NRIP3: variants seen among roughly 807,000 people sequenced by gnomAD.
NRIP3 encodes the protein nuclear receptor interacting protein 3, also known as nuclear receptor-interacting protein 3.
NRIP3 carries 31 observed loss-of-function variants against 29.0 expected under a neutral mutation model. The observed-to-expected ratio is 1.07, with a 90% CI of 0.80 to 1.44. The LOEUF (loss-of-function observed/expected upper bound fraction) is 1.44. Among genes scored for constraint, NRIP3 ranks in the 40% most tolerant of loss-of-function variants. The probability of loss-of-function intolerance (pLI) is 0.00; values close to 1 mark genes in which losing one functional copy is unlikely to be tolerated. For synonymous variants in NRIP3, 131 were observed against 118.3 expected (o/e 1.11, Z -0.70); for missense variants, 314 against 297.9 (o/e 1.05, Z -0.40).
chr11:8,985,404 T>C lies in NRIP3; in HGVS notation c.562+307A>G, dbSNP rs567457674. On this transcript the variant is annotated intron_variant, in intron 4 of 6. Coordinates refer to ENST00000309166, the MANE Select transcript of NRIP3 (RefSeq NM_020645.3). ...TAGGATGGTCTCGATCTCCTGACCT[T>C]GTGATCCGCCCGCCTCGGCCTCCCA... Among the ~76,000 whole-genome samples, 16 of 136,780 alleles carry C rather than the reference T, an allele frequency of 1.2e-4. No individual in the cohort carries two copies. The East Asian group carries it at 2.5e-3, about 21-fold the overall frequency. The allele number at this position is 136,780 out of a possible 152,430, so 89.7% of individuals were successfully genotyped here. A position where few individuals can be genotyped will look rare whatever the true frequency, so the allele number is the denominator to read the frequency against.
rs142069324 is a variant in NRIP3 at position 8,993,380 on chromosome 11, A to G, written c.175-5098T>C. Among the ~76,000 whole-genome samples, 786 of 152,364 alleles carry G rather than the reference A, an allele frequency of 5.2e-3. 12 individuals are homozygous for G. The highest frequency in any genetic ancestry group is 0.018 in the African/African-American group (765 of 41,592). On this transcript the variant is annotated intron_variant, in intron 1 of 6. Coordinates refer to ENST00000309166, the MANE Select transcript of NRIP3 (RefSeq NM_020645.3). Reference sequence around the variant, plus strand: ...TAGTACATTTGACTCAGCTGTAAATAACAAGAACATAGTCATAATAATGTA... The same window carrying G: ...TAGTACATTTGACTCAGCTGTAAATGACAAGAACATAGTCATAATAATGTA...
chr11:8,993,447 A>T (rs1389589728), intron 1 of NRIP3, among the ~76,000 whole-genome samples: 1 of 152,230 alleles, frequency 6.6e-6, no homozygotes, highest in Non-Finnish European at 1.5e-5. Flanking sequence ...TATTTAACAG[A>T]ATGTTAGTAT....
At chr11:8,988,325 T>A (rs1374011296) in intron 1 of NRIP3, 43 bp from the exon 2 acceptor site, 21 of 1,528,330 alleles carry the variant, frequency 1.4e-5, no homozygotes, top group Non-Finnish European at 1.9e-5. Flanking sequence ...ACAGGCCACA[T>A]CCCTCTTTCC....
intron 1 of NRIP3, among the ~76,000 whole-genome samples, chr11:8,995,895 C>G (rs935695115): frequency 6.6e-6 from 1 of 152,216 alleles, no homozygotes; most frequent in African/African-American, 2.4e-5. Flanking sequence ...AAATTTCTTT[C>G]CCATTCCAAT....
chr11:8,996,077 C>T (rs549452746), intron 1 of NRIP3, among the ~76,000 whole-genome samples: 3 of 152,256 alleles, frequency 2.0e-5, no homozygotes, highest in African/African-American at 7.2e-5. Context: ...TAACAAATCT[C>T]ACTATTTCTT....
At chr11:8,992,280 G>T (rs1023374232) in intron 1 of NRIP3, among the ~76,000 whole-genome samples, 1 of 152,110 alleles carries the variant, frequency 6.6e-6, no homozygotes, top group Non-Finnish European at 1.5e-5. Context: ...TACTCTTCTT[G>T]TAAGAGTAAA....
intron 1 of NRIP3, among the ~76,000 whole-genome samples, chr11:8,992,774 C>T (rs1193026503): frequency 2.0e-5 from 3 of 151,912 alleles, no homozygotes; most frequent in Middle Eastern, 3.2e-3. Context: ...ATTAGCCGGG[C>T]GTGGTGGTGG....
In NRIP3 at chr11:8,992,790, T is replaced by C. The variant is rs536273468; in HGVS notation, c.175-4508A>G. On this transcript the variant is annotated intron_variant, in intron 1 of 6. Transcript: ENST00000309166. ...TTAGCCGGGCGTGGTGGTGGGTGCCTGTTATCCCAGCTACTCAGGAGGCTG... is the reference window on the plus strand; with the variant it reads ...TTAGCCGGGCGTGGTGGTGGGTGCCCGTTATCCCAGCTACTCAGGAGGCTG... Among the ~76,000 whole-genome samples the C allele has an allele frequency of 2.0e-5, 3 of 152,128 alleles. No homozygotes were observed. The South Asian group carries it at 6.2e-4, about 32-fold the overall frequency.
At chr11:8,995,682 C>CT (rs1566139550) in intron 1 of NRIP3, among the ~76,000 whole-genome samples, 1 of 152,178 alleles carries the variant, frequency 6.6e-6, no homozygotes, top group Non-Finnish European at 1.5e-5. Flanking sequence ...CCAGAGTAAG[C>CT]TTTTTAAAAC....
Position 8,983,554 on chromosome 11 carries a change from T to C in NRIP3, c.717A>G (p.Ser239=), listed in dbSNP as rs1230151913. 6 of 1,613,724 alleles carry C rather than the reference T, an allele frequency of 3.7e-6. No homozygotes were observed. The South Asian group carries it at 6.6e-5, about 18-fold the overall frequency. The change falls in exon 7 of 7, where the codon TCA becomes TCG. Residue 239 remains serine, a synonymous_variant. Transcript: ENST00000309166. ...ETVSLNEDNT[S]EA ...ATGCTGCAGGCTGTAGTTATGCTTC[T>C]GAAGTGCTGAAATGAGAAATAAATA...
intron 4 of NRIP3, among the ~76,000 whole-genome samples, chr11:8,985,471 ATTTT>A (rs935327720): frequency 2.5e-5 from 3 of 118,708 alleles, no homozygotes; most frequent in Non-Finnish European, 5.4e-5. Flanking sequence ...ACCCGGCCGA[ATTTT>A]TTTTTTATCT....
At chr11:8,988,033 G>T in intron 2 of NRIP3, 85 bp downstream of exon 2, 1 of 1,308,628 alleles carries the variant, frequency 7.6e-7, no homozygotes, top group Non-Finnish European at 1.1e-6. Flanking sequence ...AATTCCATGA[G>T]ACCCACACTC....
At chr11:8,998,885 C>T (rs1197272956) in intron 1 of NRIP3, among the ~76,000 whole-genome samples, 1 of 150,496 alleles carries the variant, frequency 6.6e-6, no homozygotes, top group African/African-American at 2.5e-5. Flanking sequence ...GCTCCGCCTC[C>T]TGGGTTCACA....
chr11:8,989,368 A>G (rs1294612538), intron 1 of NRIP3, among the ~76,000 whole-genome samples: 3 of 152,152 alleles, frequency 2.0e-5, no homozygotes, highest in African/African-American at 4.8e-5. Context: ...AGAGTGTTTC[A>G]CCCCAAGTTT....
rs1441186670 is a variant in NRIP3, at chr11:8,984,890, T to C, written c.563-766A>G. On this transcript the variant is annotated intron_variant, in intron 4 of 6. Coordinates refer to ENST00000309166, the MANE Select transcript of NRIP3 (RefSeq NM_020645.3). ...TTTTGAGACGGAGTTTCGCTCTTGT[T>C]GCCCAGGCTGGAGTGCAATGGCGCG... Among the ~76,000 whole-genome samples, 4 of 152,232 alleles carry C rather than the reference T, an allele frequency of 2.6e-5. No individual in the cohort carries two copies. The East Asian group carries it at 7.8e-4, about 30-fold the overall frequency.
chr11:8,987,646 G>A lies in NRIP3; in HGVS notation c.340-16C>T. 3 of 1,600,484 alleles carry A rather than the reference G, an allele frequency of 1.9e-6. No homozygotes were observed. Among genetic ancestry groups the A allele is most frequent in the Non-Finnish European group, 1.7e-6 (2 of 1,167,646 alleles). ...TTCCAGCACACTGTGGGGAGGAAAT[G>A]TACTGTTCAATAAGAGCCAGAGAAG... is the stretch of plus-strand genomic sequence containing the variant. On this transcript the variant is annotated splice_polypyrimidine_tract_variant and intron_variant, in intron 2 of 6. Coordinates refer to ENST00000309166, the MANE Select transcript of NRIP3 (RefSeq NM_020645.3).
At chr11:8,984,581 G>C (rs577784013) in intron 4 of NRIP3, among the ~76,000 whole-genome samples, 1 of 152,148 alleles carries the variant, frequency 6.6e-6, no homozygotes, top group Admixed American at 6.5e-5. Flanking sequence ...GTTATATTAA[G>C]TAATTTTCCT....
intron 4 of NRIP3, among the ~76,000 whole-genome samples, chr11:8,984,592 A>T (rs1372702609): frequency 6.6e-6 from 1 of 152,040 alleles, no homozygotes; most frequent in Non-Finnish European, 1.5e-5. Context: ...TAATTTTCCT[A>T]GATCATTAAA....
At chr11:8,984,332 G>A (rs534052504) in intron 4 of NRIP3, among the ~76,000 whole-genome samples, 2 of 150,580 alleles carry the variant, frequency 1.3e-5, no homozygotes, top group South Asian at 2.1e-4. Context: ...GCGCAATCTC[G>A]GCTCACTGCA....
Sources: allele counts gnomAD v4.1 joint callset (sites outside exome capture counted in the v4.1 genomes callset), GRCh38; gene constraint gnomAD v4.1.1; transcripts MANE v1.5; gene names NCBI Gene and HGNC (gene_info 2026-07-23, HGNC 2026-07-21).